The following BCAS3 variants were observed in gnomAD, a reference collection of about 807,000 sequenced individuals.
BCAS3 encodes BCAS3 microtubule associated cell migration factor, also known as BCAS4/BCAS3 fusion.
In BCAS3, 53 loss-of-function variants were observed where a neutral mutation model predicts 116.1. The observed-to-expected ratio is 0.46, with a 90% CI of 0.37 to 0.57. The LOEUF (loss-of-function observed/expected upper bound fraction) is 0.57, where lower values mean the gene tolerates loss of function less well. BCAS3 is among the 20% of genes least tolerant of loss of function. The probability of loss-of-function intolerance (pLI) is 0.00; values close to 1 mark genes in which losing one functional copy is unlikely to be tolerated. For missense variants in BCAS3, 917 were observed against 1,165.4 expected (o/e 0.79, Z 3.10); for synonymous variants, 391 against 408.2 (o/e 0.96, Z 0.51).
chr17:60,749,973 G>A (rs1341403369), intron 6 of BCAS3, among the ~76,000 whole-genome samples: 2 of 152,052 alleles, frequency 1.3e-5, no homozygotes, highest in East Asian at 3.9e-4. Flanking sequence ...CGAGACCAGA[G>A]TGGCCAACAT....
At chr17:61,288,042 G>A (rs1291692417) in intron 22 of BCAS3, among the ~76,000 whole-genome samples, 1 of 152,192 alleles carries the variant, frequency 6.6e-6, no homozygotes, top group African/African-American at 2.4e-5. Flanking sequence ...ACACCAAAGT[G>A]TAAAAGACAG....
intron 5 of BCAS3, among the ~76,000 whole-genome samples, chr17:60,729,431 C>A (rs941361447): frequency 6.7e-6 from 1 of 150,062 alleles, no homozygotes; most frequent in East Asian, 1.9e-4. Flanking sequence ...AGAAATTGCC[C>A]AAGGTTTTCC....
intron 9 of BCAS3, among the ~76,000 whole-genome samples, chr17:60,887,803 C>T (rs1681190185): frequency 6.6e-6 from 1 of 152,102 alleles, no homozygotes; most frequent in African/African-American, 2.4e-5. Context: ...TCCATTAGGA[C>T]CACTTTCTGG....
At chr17:61,022,536 G>A (rs1033098616) in intron 16 of BCAS3, among the ~76,000 whole-genome samples, 3 of 152,046 alleles carry the variant, frequency 2.0e-5, no homozygotes, top group African/African-American at 4.8e-5. Context: ...GAGCCACCGC[G>A]CCCAGCCTAT....
chr17:61,343,418 T>C lies in BCAS3; in HGVS notation c.2426-24909T>C, dbSNP rs1490299010. 1.3e-5 allele frequency among the ~76,000 whole-genome samples: 2 copies of C among 152,122 alleles called. No individual in the cohort carries two copies. Among genetic ancestry groups the C allele is most frequent in the African/African-American group, 4.8e-5 (2 of 41,404 alleles). On this transcript the variant is annotated intron_variant, in intron 22 of 23. Coordinates refer to ENST00000407086, the MANE Select transcript of BCAS3 (RefSeq NM_017679.5). The surrounding 1 kb of genome is among the most constrained non-coding windows in gnomAD (Gnocchi z 5.5). ...GGCAGGAGCAGCGATCTGGCCATGG[T>C]TTATAGCAACAGGGAGTGCATCAGA...
chr17:61,153,584 CT>C (rs1465099965), intron 22 of BCAS3, among the ~76,000 whole-genome samples: 1 of 152,180 alleles, frequency 6.6e-6, no homozygotes, highest in Non-Finnish European at 1.5e-5. Context: ...TAGCTTGTTA[CT>C]TTTAAATGGA....
intron 22 of BCAS3, among the ~76,000 whole-genome samples, chr17:61,103,900 A>C (rs1278375990): frequency 6.6e-6 from 1 of 152,206 alleles, no homozygotes; most frequent in East Asian, 1.9e-4. Context: ...AATTTGGCAG[A>C]TAGTCTTTCG....
At chr17:60,910,113 G>T (rs1000790307) in intron 11 of BCAS3, among the ~76,000 whole-genome samples, 2 of 152,044 alleles carry the variant, frequency 1.3e-5, no homozygotes, top group Non-Finnish European at 2.9e-5. Context: ...CTAGAAATAG[G>T]TATACAATTA....
At chr17:60,765,631 C>T (rs369481800) in intron 6 of BCAS3, among the ~76,000 whole-genome samples, 2 of 152,240 alleles carry the variant, frequency 1.3e-5, no homozygotes, top group South Asian at 2.1e-4. Flanking sequence ...ACATTTTTTC[C>T]TTCATTTCAT....
At chr17:60,918,785 C>T (rs7222476) in intron 12 of BCAS3, among the ~76,000 whole-genome samples, 6,012 of 151,430 alleles carry the variant, frequency 0.04, 453 homozygotes, top group African/African-American at 0.14. Flanking sequence ...CTCCGCATCC[C>T]GGGTTTACGG....
In BCAS3 at chr17:60,990,353, G is replaced by A; in HGVS notation, c.1486+118G>A. 9.2e-7 allele frequency: 1 copy of A among 1,086,270 alleles called. No homozygotes were observed. Among genetic ancestry groups the A allele is most frequent in the South Asian group, 1.9e-5 (1 of 53,468 alleles). 67.3% of individuals were successfully genotyped at this position (1,086,270 alleles called of 1,614,324 possible). ...TGTTCATGTAAAAAGAAGATCTTAG[G>A]CTTATATGAAATTCTTAATTATTAA... On this transcript the variant is annotated intron_variant, in intron 15 of 23. Coordinates refer to ENST00000407086, the MANE Select transcript of BCAS3 (RefSeq NM_017679.5). The surrounding 1 kb of genome is among the most constrained non-coding windows in gnomAD (Gnocchi z 5.1).
chr17:61,109,388 G>C (rs902231996), intron 22 of BCAS3, among the ~76,000 whole-genome samples: 3 of 151,248 alleles, frequency 2.0e-5, no homozygotes, highest in African/African-American at 7.3e-5. Context: ...TTTTGCAATC[G>C]CAAATTGTGG....
intron 14 of BCAS3, among the ~76,000 whole-genome samples, chr17:60,971,869 A>T (rs926879207): frequency 6.6e-6 from 1 of 152,172 alleles, no homozygotes; most frequent in South Asian, 2.1e-4. Flanking sequence ...CAAGGCCTCC[A>T]TGGGTCAGTT....
At chr17:61,358,321 C>G (rs2058268447) in intron 22 of BCAS3, among the ~76,000 whole-genome samples, 2 of 151,944 alleles carry the variant, frequency 1.3e-5, no homozygotes, top group South Asian at 4.1e-4. Flanking sequence ...TTATGACTAC[C>G]TAACATTCTA....
At chr17:61,076,671 A>G (rs2072022403) in intron 20 of BCAS3, among the ~76,000 whole-genome samples, 1 of 152,168 alleles carries the variant, frequency 6.6e-6, no homozygotes, top group Admixed American at 6.5e-5. Flanking sequence ...ACAACAGGAG[A>G]GTGAATAGGA....
In BCAS3 at chr17:61,388,374, C is replaced by G. The variant is rs982655832; in HGVS notation, c.2594-3603C>G. The G allele has an allele frequency of 8.5e-6, 4 of 469,066 alleles. No individual in the cohort carries two copies. The highest frequency in any genetic ancestry group is 2.7e-5 in the South Asian group (1 of 36,930). The allele number at this position is 469,066 out of a possible 1,614,324, so 29.1% of individuals were successfully genotyped here. ...ACCTGTGACTCCTCTCCCCCTCCCC[C>G]ACTCTGAACGGGGTCTTGGCCCCCT... On this transcript the variant is annotated intron_variant, in intron 23 of 23. Transcript: ENST00000407086. This position sits in a 1 kb window ranked among gnomAD's most constrained non-coding sequence, Gnocchi z 6.5.
intron 6 of BCAS3, among the ~76,000 whole-genome samples, chr17:60,765,523 C>T (rs577771931): frequency 6.6e-6 from 1 of 152,214 alleles, no homozygotes; most frequent in Non-Finnish European, 1.5e-5. Context: ...TTGGCCCCCA[C>T]TCTCTTCTGG....
At chr17:60,924,525 T>A (rs118084185) in intron 13 of BCAS3, 25 bp downstream of exon 13, 87,846 of 1,552,562 alleles carry the variant, frequency 0.057, 1,336 homozygotes, top group Non-Finnish European at 0.067. Flanking sequence ...TGTCTTTTTT[T>A]TTTTTTTTTT....
chr17:60,926,150 G>A (rs2059357876), intron 13 of BCAS3, among the ~76,000 whole-genome samples: 1 of 152,072 alleles, frequency 6.6e-6, no homozygotes, highest in South Asian at 2.1e-4. Context: ...AAATTTCTGT[G>A]AGGATTTTGG....
Sources: allele counts gnomAD v4.1 joint callset (sites outside exome capture counted in the v4.1 genomes callset), GRCh38; gene constraint gnomAD v4.1.1; non-coding constraint Gnocchi (gnomAD v3.1); transcripts MANE v1.5; gene names NCBI Gene and HGNC (gene_info 2026-07-23, HGNC 2026-07-21).